RAB14: variants seen among roughly 807,000 people sequenced by gnomAD.
The protein encoded by RAB14 is ras-related protein Rab-14.
RAB14 carries 3 observed loss-of-function variants against 31.1 expected under a neutral mutation model. That is an observed-to-expected ratio of 0.10 (90% CI 0.04 to 0.25). The LOEUF is 0.25. RAB14 is among the 10% of genes least tolerant of loss of function. The probability of loss-of-function intolerance (pLI) is 1.00; values close to 1 mark genes in which losing one functional copy is unlikely to be tolerated. For missense variants in RAB14, 111 were observed against 260.1 expected, an observed-to-expected ratio of 0.43 and a Z score of 3.94; for synonymous variants, 85 against 84.9, an observed-to-expected ratio of 1.00 and a Z score of 0.00.
In RAB14 at chr9:121,193,371, A is replaced by G. The variant is rs1390337659; in HGVS notation, c.42T>C (p.Tyr14=). The part of the protein sequence containing the change: ...APYNYSYIFK[Y]IIIGDMGVGK... The stretch of plus-strand genomic sequence containing the variant: ...GTTAAATAAACTTACCAATAATAAT[A>G]TATTTAAAGATGTAAGAGTAGTTGT... Residue 14 remains tyrosine, a synonymous_variant, in exon 2 of 8, where the codon TAT becomes TAC. Transcript: ENST00000373840. 1.3e-6 allele frequency: 2 copies of G among 1,579,252 alleles called. No homozygotes were observed. The highest frequency in any genetic ancestry group is 2.8e-5 in the African/African-American group (2 of 72,646).
At chr9:121,182,861 T>C in intron 7 of RAB14, 69 bp downstream of exon 7, 1 of 1,356,116 alleles carries the variant, frequency 7.4e-7, no homozygotes, top group Non-Finnish European at 1.0e-6. Context: ...TTATATACTT[T>C]TCATATATAC....
intron 5 of RAB14, among the ~76,000 whole-genome samples, chr9:121,186,219 G>GT (rs1448140587): frequency 6.6e-6 from 1 of 152,088 alleles, no homozygotes; most frequent in African/African-American, 2.4e-5. Context: ...CCACTCCTCT[G>GT]TAAAGCTGCT....
chr9:121,187,626 T>G (rs2053665000), intron 4 of RAB14, among the ~76,000 whole-genome samples: 2 of 152,054 alleles, frequency 1.3e-5, no homozygotes, highest in South Asian at 4.1e-4. Flanking sequence ...CCTAACTTTG[T>G]TCTCTTATCT....
intron 1 of RAB14, 43 bp downstream of exon 1, chr9:121,201,596 A>T (rs2053783223): frequency 6.6e-6 from 1 of 152,112 alleles, no homozygotes; most frequent in South Asian, 2.1e-4. Flanking sequence ...ACCCGGCGCG[A>T]GGAGGTATCA....
chr9:121,192,196 C>G lies in RAB14; in HGVS notation c.81G>C (p.Leu27Phe). Reference sequence around the variant, plus strand: ...ATTTTTTTTCTGTAAATTGATGAAGCAAGCAAGATTTTCCTACTCCCATGT... The same window carrying G: ...ATTTTTTTTCTGTAAATTGATGAAGGAAGCAAGATTTTCCTACTCCCATGT... ...IGDMGVGKSCLLHQFTEKKFM... is the reference protein window; with the variant it reads ...IGDMGVGKSCFLHQFTEKKFM... The change falls in exon 3 of 8, where the codon TTG (leucine) becomes TTC (phenylalanine). Residue 27 changes from leucine (L) to phenylalanine (F), a missense_variant. By Grantham distance (22) the Leu-to-Phe change is conservative. Coordinates refer to ENST00000373840, the MANE Select transcript of RAB14 (RefSeq NM_016322.4). 6.3e-7 allele frequency: 1 copy of G among 1,598,348 alleles called. No individual in the cohort carries two copies. The highest frequency in any genetic ancestry group is 8.5e-7 in the Non-Finnish European group (1 of 1,170,658).
At chr9:121,188,104 C>A (rs2053667414) in intron 4 of RAB14, among the ~76,000 whole-genome samples, 1 of 151,908 alleles carries the variant, frequency 6.6e-6, no homozygotes, top group African/African-American at 2.4e-5. Context: ...TCATATTATT[C>A]ATAAATCACC....
At chr9:121,201,215 G>A (rs1450904739) in intron 1 of RAB14, among the ~76,000 whole-genome samples, 5 of 152,206 alleles carry the variant, frequency 3.3e-5, no homozygotes, top group Admixed American at 6.5e-5. Flanking sequence ...TGGGGCTTGC[G>A]GGCTGCAGGG....
chr9:121,189,146 G>C (rs572727547), intron 4 of RAB14, among the ~76,000 whole-genome samples: 1 of 152,108 alleles, frequency 6.6e-6, no homozygotes, highest in African/African-American at 2.4e-5. Context: ...CCTTATAGCT[G>C]AGTAACATTT....
chr9:121,193,910 AAAC>A (rs1314007443), intron 1 of RAB14, among the ~76,000 whole-genome samples: 2 of 152,154 alleles, frequency 1.3e-5, no homozygotes, highest in Admixed American at 6.5e-5. Flanking sequence ...TATAAACACA[AAAC>A]AACGTTTTTA....
At chr9:121,184,942 C>G (rs1264491156) in intron 5 of RAB14, among the ~76,000 whole-genome samples, 1 of 152,106 alleles carries the variant, frequency 6.6e-6, no homozygotes, top group Non-Finnish European at 1.5e-5. Context: ...CTATGAATCT[C>G]CAAATAAGGC....
intron 7 of RAB14, 45 bp from the exon 8 acceptor site, chr9:121,181,618 C>T (rs1232386265): frequency 7.4e-6 from 11 of 1,494,964 alleles, no homozygotes; most frequent in Non-Finnish European, 1.0e-5. Context: ...CAGTTTTCTA[C>T]AAAAGACAAG....
At chr9:121,182,426 T>C (rs2053638290) in intron 7 of RAB14, among the ~76,000 whole-genome samples, 1 of 152,178 alleles carries the variant, frequency 6.6e-6, no homozygotes, top group Non-Finnish European at 1.5e-5. Flanking sequence ...CCACAAGAAA[T>C]TTTTGGCCTA....
At chr9:121,181,678 T>A in intron 7 of RAB14, 105 bp from the exon 8 acceptor site, 1 of 765,920 alleles carries the variant, frequency 1.3e-6, no homozygotes, top group Non-Finnish European at 2.0e-6. Flanking sequence ...GTCTCCAACT[T>A]AACCACTGTC....
intron 4 of RAB14, among the ~76,000 whole-genome samples, chr9:121,188,971 T>A (rs1225989734): frequency 6.6e-6 from 1 of 152,084 alleles, no homozygotes; most frequent in Non-Finnish European, 1.5e-5. Context: ...ACTCCCATCC[T>A]CTGGCAATCC....
chr9:121,190,261 A>G (rs2053679680), intron 4 of RAB14, among the ~76,000 whole-genome samples: 3 of 152,104 alleles, frequency 2.0e-5, no homozygotes, highest in African/African-American at 7.2e-5. Context: ...CATTTTATAT[A>G]AAATATTATT....
At chr9:121,190,771 A>G (rs1246037366) in intron 3 of RAB14, 40 bp from the exon 4 acceptor site, 2 of 1,594,392 alleles carry the variant, frequency 1.3e-6, no homozygotes, top group Non-Finnish European at 8.6e-7. Context: ...AATTTTCAGA[A>G]AACTTCAAAT....
rs948074935 is a variant in RAB14 at position 121,179,949 on chromosome 9, A to T, written c.*1447T>A. On this transcript the variant is annotated 3_prime_UTR_variant, in exon 8 of 8. Transcript: ENST00000373840. ...CACTGAATCATAAATGCAATAAAAA[A>T]AATCAACAGAAATGAAGAACTTAAT... 6.6e-6 allele frequency: 1 copy of T among 152,614 alleles called. No homozygotes were observed. The highest frequency in any genetic ancestry group is 1.5e-5 in the Non-Finnish European group (1 of 68,038). 9.5% of individuals were successfully genotyped at this position (152,614 alleles called of 1,614,324 possible).
rs1475364007 is a variant in RAB14 at position 121,178,411 on chromosome 9, T to G, written c.*2985A>C. 7 of 152,618 alleles carry G rather than the reference T, an allele frequency of 4.6e-5. No homozygotes were observed. The highest frequency in any genetic ancestry group is 1.7e-4 in the African/African-American group (7 of 41,448). The allele number at this position is 152,618 out of a possible 1,614,324, so 9.5% of individuals were successfully genotyped here. A position where few individuals can be genotyped will look rare whatever the true frequency, so the allele number is the denominator to read the frequency against. On this transcript the variant is annotated 3_prime_UTR_variant, in exon 8 of 8. Coordinates refer to ENST00000373840, the MANE Select transcript of RAB14 (RefSeq NM_016322.4). ...TGGGCCTGTGTTGAATGAGGATAAA[T>G]TATCTTTTCTCTAAAATGCCACATG... is the stretch of plus-strand genomic sequence containing the variant.
intron 4 of RAB14, among the ~76,000 whole-genome samples, chr9:121,190,163 G>A (rs2053679138): frequency 2.0e-5 from 3 of 152,110 alleles, no homozygotes; most frequent in African/African-American, 7.2e-5. Flanking sequence ...TCTTTGCTTG[G>A]CCTTCTTTTG....
Sources: gnomAD v4.1 joint callset for allele counts (sites outside exome capture counted in the v4.1 genomes callset) on GRCh38, gnomAD v4.1.1 for gene constraint, MANE v1.5 for transcripts, NCBI Gene and HGNC (gene_info 2026-07-23, HGNC 2026-07-21) for gene names.